MAGEC3: variants seen among roughly 807,000 people sequenced by gnomAD.
The protein encoded by MAGEC3 is MAGE family member C3.
Under a neutral mutation model 35.3 loss-of-function variants are expected in MAGEC3, and 34 were observed. The observed-to-expected ratio is 0.96, with a 90% CI of 0.73 to 1.28. MAGEC3 has a LOEUF of 1.28. Among genes scored for constraint, MAGEC3 ranks in the 50% most tolerant of loss-of-function variants. MAGEC3 has a pLI of 0.00. For synonymous variants in MAGEC3, 202 were observed against 185.6 expected, an observed-to-expected ratio of 1.09 and a Z score of -0.72; for missense variants, 561 against 483.6, an observed-to-expected ratio of 1.16 and a Z score of -1.50.
At chrX:141,890,453 C>T (rs970102952) in intron 4 of MAGEC3, among the ~76,000 whole-genome samples, 8 of 109,696 alleles carry the variant, frequency 7.3e-5, no homozygotes, top group Non-Finnish European at 1.1e-4. Flanking sequence ...GTGATCTGCC[C>T]GCCGCAGTCT....
At chrX:141,863,959 A>T (rs1405115799) in intron 1 of MAGEC3, among the ~76,000 whole-genome samples, 1 of 111,569 alleles carries the variant, frequency 9.0e-6, no homozygotes, top group Non-Finnish European at 1.9e-5. Flanking sequence ...CGAAAAACAG[A>T]TCACCATTAC....
chrX:141,842,521 T>C (rs1470996004), intron 1 of MAGEC3, among the ~76,000 whole-genome samples: 1 of 111,903 alleles, frequency 8.9e-6, no homozygotes, highest in East Asian at 2.8e-4. Context: ...TAGTGGTAGG[T>C]GTTGTCACGT....
Position 141,853,187 on chromosome X carries a change from A to G in MAGEC3, c.124-12284A>G, listed in dbSNP as rs749724614. 1.6e-3 allele frequency among the ~76,000 whole-genome samples: 174 copies of G among 111,628 alleles called. 1 individual carries two copies. The highest frequency in any genetic ancestry group is 5.4e-3 in the African/African-American group (166 of 30,789). ...ACATCCGCCTTTTAAAAAGAGGGAA[A>G]CAAAGGTTAAATTTCTTGCCCAAGC... On this transcript the variant is annotated intron_variant, in intron 1 of 7. Transcript: ENST00000298296.
chrX:141,863,307 G>A (rs191689590), intron 1 of MAGEC3, among the ~76,000 whole-genome samples: 3 of 111,130 alleles, frequency 2.7e-5, no homozygotes, highest in Admixed American at 1.9e-4. Context: ...GTTGTTGGAG[G>A]TTCGTTGGAA....
At chrX:141,876,901 A>G (rs980773386) in intron 2 of MAGEC3, among the ~76,000 whole-genome samples, 1 of 112,237 alleles carries the variant, frequency 8.9e-6, no homozygotes, top group African/African-American at 3.2e-5. Context: ...CCTTTGGTCT[A>G]TCTGTCAATC....
chrX:141,869,764 A>G (rs968062871), intron 2 of MAGEC3, among the ~76,000 whole-genome samples: 8 of 112,367 alleles, frequency 7.1e-5, no homozygotes, highest in Non-Finnish European at 3.8e-5. Flanking sequence ...CACAACTGAC[A>G]AAGAAATTTG....
At chrX:141,864,929 C>G (rs2017838712) in intron 1 of MAGEC3, among the ~76,000 whole-genome samples, 1 of 111,910 alleles carries the variant, frequency 8.9e-6, no homozygotes, top group Non-Finnish European at 1.9e-5. Context: ...CAGCAGTCCT[C>G]AAAAATATGA....
In MAGEC3 at chrX:141,841,755, C is replaced by G. The variant is rs1378630699; in HGVS notation, c.123+3317C>G. ...AATGATGACCGTTTGCTTCTAGATG[C>G]CCCTTCACGGCTTTTGAAATAGTAC... is the stretch of plus-strand genomic sequence containing the variant. On this transcript the variant is annotated intron_variant, in intron 1 of 7. Coordinates refer to ENST00000298296, the MANE Select transcript of MAGEC3 (RefSeq NM_138702.1). 6.3e-5 allele frequency among the ~76,000 whole-genome samples: 7 copies of G among 111,741 alleles called. No individual in the cohort carries two copies. In the Admixed American group the frequency reaches 6.7e-4, roughly 11 times the overall value.
intron 4 of MAGEC3, among the ~76,000 whole-genome samples, chrX:141,885,779 G>A (rs1287361969): frequency 9.1e-6 from 1 of 109,954 alleles, no homozygotes; most frequent in African/African-American, 3.3e-5. Context: ...TTCTTGCCTT[G>A]GTTTAATGTA....
intron 4 of MAGEC3, among the ~76,000 whole-genome samples, chrX:141,884,676 G>A (rs969822327): frequency 2.3e-4 from 26 of 111,530 alleles, no homozygotes; most frequent in African/African-American, 6.2e-4. Flanking sequence ...GGAGAACACC[G>A]ATAGCCTTTG....
chrX:141,875,218 T>C (rs995320746), intron 2 of MAGEC3, among the ~76,000 whole-genome samples: 1 of 111,169 alleles, frequency 9.0e-6, no homozygotes, highest in South Asian at 3.9e-4. Flanking sequence ...TTTTAGAGGT[T>C]GGGGTAACAA....
chrX:141,877,232 TGTCTGTAAAAATTTTTTG>T (rs757685194), intron 2 of MAGEC3, among the ~76,000 whole-genome samples: 76 of 112,037 alleles, frequency 6.8e-4, no homozygotes, highest in African/African-American at 2.3e-3. Flanking sequence ...TTAATATTTT[TGTCTGTAAAAATTTTTTG>T]GTTAAGCTTT....
At chrX:141,839,271 G>A (rs2017671865) in intron 1 of MAGEC3, 1 of 284,946 alleles carries the variant, frequency 3.5e-6, no homozygotes. Flanking sequence ...TATATTCAAA[G>A]TGTGATTATC....
intron 1 of MAGEC3, among the ~76,000 whole-genome samples, chrX:141,846,484 A>G (rs1000040476): frequency 1.8e-5 from 2 of 110,182 alleles, no homozygotes; most frequent in African/African-American, 6.6e-5. Context: ...CTAACAGGAC[A>G]ATGAGATGAA....
chrX:141,880,872 T>C, intron 3 of MAGEC3: 1 of 1,093,672 alleles, frequency 9.1e-7, no homozygotes, highest in Non-Finnish European at 1.3e-6. Context: ...TGGGTGAGTT[T>C]CTCAGCTGAG....
intron 4 of MAGEC3, among the ~76,000 whole-genome samples, chrX:141,887,372 A>G (rs1046719074): frequency 3.6e-5 from 4 of 112,307 alleles, no homozygotes; most frequent in Non-Finnish European, 7.5e-5. Context: ...TGGCAAACAC[A>G]CTGGACTTAT....
At chrX:141,890,083 G>A (rs939252335) in intron 4 of MAGEC3, among the ~76,000 whole-genome samples, 2 of 111,547 alleles carry the variant, frequency 1.8e-5, no homozygotes, top group African/African-American at 6.5e-5. Context: ...ATTGGGGATC[G>A]GTGCATTTCT....
intron 7 of MAGEC3, 54 bp from the exon 8 acceptor site, chrX:141,897,575 G>A (rs747090608): frequency 1.7e-5 from 20 of 1,193,908 alleles, no homozygotes; most frequent in Admixed American, 4.5e-5. Context: ...CTGGAGTACC[G>A]GGAGGTGCCC....
Position 141,852,430 on chromosome X carries a change from T to C in MAGEC3, c.124-13041T>C, listed in dbSNP as rs186751461. On this transcript the variant is annotated intron_variant, in intron 1 of 7. Coordinates refer to ENST00000298296, the MANE Select transcript of MAGEC3 (RefSeq NM_138702.1). Reference sequence around the variant, plus strand: ...TTCTTTCTTTCCAATTTGGATGCCTTTTCCTCCTTTTGCTTGCCTAATTGC... The same window carrying C: ...TTCTTTCTTTCCAATTTGGATGCCTCTTCCTCCTTTTGCTTGCCTAATTGC... Among the ~76,000 whole-genome samples the C allele has an allele frequency of 2.1e-3, 237 of 110,669 alleles. 1 individual carries two copies. The highest frequency in any genetic ancestry group is 7.2e-3 in the African/African-American group (221 of 30,611).
Sources: gnomAD v4.1 joint callset for allele counts (sites outside exome capture counted in the v4.1 genomes callset) on GRCh38, gnomAD v4.1.1 for gene constraint, MANE v1.5 for transcripts, NCBI Gene and HGNC (gene_info 2026-07-23, HGNC 2026-07-21) for gene names.